The following TCF12 variants were observed in gnomAD, a reference collection of about 807,000 sequenced individuals.
The protein encoded by TCF12 is transcription factor 12, also known as DNA-binding protein HTF4.
TCF12 carries 45 observed loss-of-function variants against 86.0 expected under a neutral mutation model. The ratio of observed to expected loss-of-function variants is 0.52; its 90% confidence interval spans 0.41 to 0.67. TCF12 has a LOEUF of 0.67. Among genes scored for constraint, TCF12 ranks in the 30% least tolerant of loss-of-function variants. TCF12 has a pLI of 0.00. For synonymous variants in TCF12, 330 were observed against 299.6 expected (o/e 1.10, Z -1.05); for missense variants, 881 against 859.9 (o/e 1.02, Z -0.31).
intron 19 of TCF12, chr15:57,278,554 T>G (rs1467958598): frequency 5.5e-6 from 1 of 180,270 alleles, no homozygotes; most frequent in Non-Finnish European, 1.2e-5. Context: ...AAAATTTTTT[T>G]TCTTTTCCAA....
intron 3 of TCF12, among the ~76,000 whole-genome samples, chr15:57,028,611 T>G (rs1596199465): frequency 6.6e-6 from 1 of 152,316 alleles, no homozygotes; most frequent in Admixed American, 6.5e-5. Context: ...ATACGTAATA[T>G]GAATATTTTC....
chr15:57,077,371 GTGTA>G lies in TCF12; in HGVS notation c.222+13550_222+13553del, dbSNP rs1313285869. 2.0e-3 allele frequency among the ~76,000 whole-genome samples: 214 copies of G among 104,688 alleles called. 10 individuals are homozygous for G. The highest frequency in any genetic ancestry group is 9.6e-3 in the African/African-American group (201 of 20,970). 68.7% of individuals were successfully genotyped at this position (104,688 alleles called of 152,430 possible). ...TGTGTGTGTGTGTGTGTGTGTGTGT[GTGTA>G]TATATATTTTTTTTTTTTTGGCAAG... is the stretch of plus-strand genomic sequence containing the variant. On this transcript the variant is annotated intron_variant, in intron 4 of 20. Transcript: ENST00000333725.
intron 3 of TCF12, among the ~76,000 whole-genome samples, chr15:57,015,659 A>C (rs973932797): frequency 6.6e-6 from 1 of 152,126 alleles, no homozygotes; most frequent in Non-Finnish European, 1.5e-5. Context: ...TGTGGGCTAC[A>C]TAGCCCCATG....
intron 3 of TCF12, among the ~76,000 whole-genome samples, chr15:57,006,942 A>G (rs1429226827): frequency 6.6e-6 from 1 of 152,152 alleles, no homozygotes; most frequent in African/African-American, 2.4e-5. Context: ...AACAACAACA[A>G]AATGAGATAT....
intron 5 of TCF12, among the ~76,000 whole-genome samples, chr15:57,116,005 G>A (rs1226423687): frequency 6.6e-6 from 1 of 152,208 alleles, no homozygotes; most frequent in East Asian, 1.9e-4. Flanking sequence ...GTTCCTTACT[G>A]TTTTGGATTC....
At chr15:57,096,027 G>T (rs575496056) in intron 5 of TCF12, among the ~76,000 whole-genome samples, 2 of 152,114 alleles carry the variant, frequency 1.3e-5, no homozygotes, top group Non-Finnish European at 2.9e-5. Context: ...GTTGAATGCT[G>T]TTTCCATTAG....
intron 5 of TCF12, among the ~76,000 whole-genome samples, chr15:57,124,701 A>G (rs1480759036): frequency 1.3e-5 from 2 of 151,638 alleles, no homozygotes; most frequent in Non-Finnish European, 2.9e-5. Flanking sequence ...TTTGTGAGAC[A>G]GAGTCTCACT....
chr15:57,063,951 G>A (rs1701130409), intron 4 of TCF12, 128 bp downstream of exon 4: 2 of 704,124 alleles, frequency 2.8e-6, no homozygotes, highest in South Asian at 4.7e-5. Flanking sequence ...AGAATACCTA[G>A]TACCTTTTTG....
chr15:57,138,043 A>AT (rs34159266), intron 5 of TCF12, among the ~76,000 whole-genome samples: 58,486 of 151,852 alleles, frequency 0.39, 14,106 homozygotes, highest in Non-Finnish European at 0.53. Context: ...GAAAAAAAAA[A>AT]AAATAAAGTA....
Position 57,041,400 on chromosome 15 carries a change from G to A in TCF12, c.149-22350G>A, listed in dbSNP as rs562695592. On this transcript the variant is annotated intron_variant, in intron 3 of 20. Coordinates refer to ENST00000333725, the MANE Select transcript of TCF12 (RefSeq NM_207037.2). ...TTCAGGTGGATAAATTAGGTGTTAT[G>A]TCTATGTTTTTCCCTTTGTATTCAC... is the stretch of plus-strand genomic sequence containing the variant. 9.2e-5 allele frequency among the ~76,000 whole-genome samples: 14 copies of A among 152,186 alleles called. No homozygotes were observed. In the South Asian group the frequency reaches 2.9e-3, roughly 32 times the overall value.
At chr15:57,277,923 G>C (rs1355908841) in intron 19 of TCF12, among the ~76,000 whole-genome samples, 1 of 151,844 alleles carries the variant, frequency 6.6e-6, no homozygotes, top group Non-Finnish European at 1.5e-5. Context: ...CTGGGCAGCA[G>C]AGTGAGAACC....
chr15:56,955,991 C>CT lies in TCF12; in HGVS notation c.148+34900dup, dbSNP rs199519010. Among the ~76,000 whole-genome samples, 216 of 152,102 alleles carry CT rather than the reference C, an allele frequency of 1.4e-3. 5 individuals are homozygous for CT. In the East Asian group the frequency reaches 0.04, roughly 28 times the overall value. On this transcript the variant is annotated intron_variant, in intron 3 of 20. Transcript: ENST00000333725. ...CTGTTTTATCATTATAAAATGACCCCTTTTTTTCTGATAATGGCTTAGAAA... is the reference window on the plus strand; with the variant it reads ...CTGTTTTATCATTATAAAATGACCCCTTTTTTTTCTGATAATGGCTTAGAAA...
At chr15:56,930,895 C>T (rs2060215738) in intron 3 of TCF12, among the ~76,000 whole-genome samples, 1 of 152,110 alleles carries the variant, frequency 6.6e-6, no homozygotes, top group African/African-American at 2.4e-5. Context: ...CTCTATTTTC[C>T]TAGTTCCTGT....
At chr15:57,086,724 A>G (rs1210706794) in intron 4 of TCF12, among the ~76,000 whole-genome samples, 2 of 149,580 alleles carry the variant, frequency 1.3e-5, no homozygotes, top group Non-Finnish European at 3.0e-5. Flanking sequence ...AAAAAAAAAA[A>G]AGGCCATTGA....
intron 3 of TCF12, among the ~76,000 whole-genome samples, chr15:56,942,367 TCTGA>T (rs1165693448): frequency 2.8e-4 from 42 of 152,228 alleles, no homozygotes; most frequent in Admixed American, 2.5e-3. Flanking sequence ...TTAATAATAA[TCTGA>T]CTGTTTTCAT....
chr15:57,285,605 T>C (rs2061899270), intron 20 of TCF12, among the ~76,000 whole-genome samples: 1 of 151,962 alleles, frequency 6.6e-6, no homozygotes, highest in African/African-American at 2.4e-5. Flanking sequence ...CAGCAGCAAA[T>C]TGAGGGCTTT....
Position 56,920,487 on chromosome 15 carries a change from C to CACGTGTGTGTGTATGT in TCF12, c.75+499_75+500insACGTGTGTGTGTATGT, listed in dbSNP as rs3223202. 8.8e-5 allele frequency among the ~76,000 whole-genome samples: 13 copies of CACGTGTGTGTGTATGT among 146,960 alleles called. No homozygotes were observed. The East Asian group carries it at 2.7e-3, about 31-fold the overall frequency. ...TACTTTTATTTTATACACACACACA[C>CACGTGTGTGTGTATGT]GTGTGTGTGTGTGTGTGTGTGTATT... On this transcript the variant is annotated intron_variant, in intron 2 of 20. Coordinates refer to ENST00000333725, the MANE Select transcript of TCF12 (RefSeq NM_207037.2).
chr15:57,277,956 A>G (rs2061482784), intron 19 of TCF12, among the ~76,000 whole-genome samples: 1 of 151,978 alleles, frequency 6.6e-6, no homozygotes, highest in South Asian at 2.1e-4. Context: ...AAAAAAAAAG[A>G]TATATCAGAT....
chr15:57,137,318 T>C (rs1366354823), intron 5 of TCF12, among the ~76,000 whole-genome samples: 1 of 152,216 alleles, frequency 6.6e-6, no homozygotes, highest in East Asian at 1.9e-4. Flanking sequence ...CAGCATTGCT[T>C]ATAAATAAAA....
Sources: gnomAD v4.1 joint callset for allele counts (sites outside exome capture counted in the v4.1 genomes callset) on GRCh38, gnomAD v4.1.1 for gene constraint, MANE v1.5 for transcripts, NCBI Gene and HGNC (gene_info 2026-07-23, HGNC 2026-07-21) for gene names.